The following SLC39A5 variants were observed in gnomAD, a reference collection of about 807,000 sequenced individuals.
SLC39A5 encodes the protein solute carrier family 39 member 5, also known as zinc transporter ZIP5.
SLC39A5 carries 42 observed loss-of-function variants against 46.9 expected under a neutral mutation model. That is an observed-to-expected ratio of 0.90 (90% CI 0.70 to 1.16). The LOEUF (loss-of-function observed/expected upper bound fraction) is 1.16. Among genes scored for constraint, SLC39A5 ranks in the 50% most tolerant of loss-of-function variants. The pLI is 0.00. For synonymous variants in SLC39A5, 311 were observed against 323.1 expected (o/e 0.96, Z 0.40); for missense variants, 677 against 686.8 (o/e 0.99, Z 0.16).
At position 56,235,170 on chromosome 12, in the gene SLC39A5, T is replaced by G. The variant is rs1379960055; in HGVS notation, c.648T>G (p.Ser216Arg). ...GATTCTCCCCAGCCCTGCTTCAGAG[T>G]GCCCTGGCAGTCCTGTTGCTCAGCC... The part of the protein sequence containing the change: ...PGDLLSALLQ[S>R]ALAVLLLSLP... Residue 216 changes from serine (S) to arginine (R), a missense_variant, in exon 7 of 13, where the codon AGT becomes AGG. Physicochemically the swap from Ser to Arg is moderately radical, Grantham distance 110. Transcript: ENST00000454355. 1 of 1,548,982 alleles carries G rather than the reference T, an allele frequency of 6.5e-7. No homozygotes were observed. The highest frequency in any genetic ancestry group is 2.3e-5 in the East Asian group (1 of 44,332).
intron 10 of SLC39A5, 78 bp from the exon 11 acceptor site, chr12:56,236,853 A>T (rs549403855): frequency 6.3e-7 from 1 of 1,595,788 alleles, no homozygotes; most frequent in Non-Finnish European, 8.5e-7. Context: ...AGAGGACGGG[A>T]GGACCACGGA....
intron 4 of SLC39A5, among the ~76,000 whole-genome samples, chr12:56,231,928 G>A (rs1043338667): frequency 1.3e-5 from 2 of 151,690 alleles, no homozygotes; most frequent in African/African-American, 4.8e-5. Flanking sequence ...GGGTTTCGCT[G>A]TGTTGCCCAG....
chr12:56,231,193 C>T lies in SLC39A5; in HGVS notation c.-71-11C>T. On this transcript the variant is annotated splice_polypyrimidine_tract_variant and intron_variant, in intron 3 of 12. Transcript: ENST00000454355. ...CAGAGCGCAGCTCCAGCCCATTCCTCATTCTTCCAGGGCACAGTCCTCAGG... is the reference window on the plus strand; with the variant it reads ...CAGAGCGCAGCTCCAGCCCATTCCTTATTCTTCCAGGGCACAGTCCTCAGG... 12 of 1,451,378 alleles carry T rather than the reference C, an allele frequency of 8.3e-6. No individual in the cohort carries two copies. The highest frequency in any genetic ancestry group is 6.5e-6 in the Non-Finnish European group (7 of 1,075,114). 89.9% of individuals were successfully genotyped at this position (1,451,378 alleles called of 1,614,324 possible).
At chr12:56,237,102 G>C (rs770088607) in intron 11 of SLC39A5, 48 bp from the exon 12 acceptor site, 31 of 1,612,320 alleles carry the variant, frequency 1.9e-5, no homozygotes, top group Non-Finnish European at 2.5e-5. Context: ...GCATGGATGA[G>C]GGGCACCCCA....
chr12:56,236,411 A>G lies in SLC39A5; in HGVS notation c.961A>G (p.Lys321Glu), dbSNP rs1870768991. ...RGLRPRCCRR[K>E]RRNLETRNLD... ...CCTATTTCAGAGATGCTGCAGGCGA[A>G]AACGAAGGAATCTCGAAACACGCAA... The change falls in exon 9 of 13, where the codon AAA becomes GAA. Residue 321 changes from lysine to glutamate, a missense_variant. Lys to Glu is a moderately conservative substitution (Grantham distance 56). Transcript: ENST00000454355. 1 of 1,614,250 alleles carries G rather than the reference A, an allele frequency of 6.2e-7. No individual in the cohort carries two copies.
At chr12:56,231,028 C>G in intron 3 of SLC39A5, 155 bp downstream of exon 3, 5 of 495,756 alleles carry the variant, frequency 1.0e-5, no homozygotes, top group Non-Finnish European at 1.8e-5. Context: ...GGGAGGTGCT[C>G]CAGGAACCAG....
At chr12:56,235,507 ATGT>A in intron 7 of SLC39A5, 50 bp from the exon 8 acceptor site, 1 of 1,580,202 alleles carries the variant, frequency 6.3e-7, no homozygotes, top group Non-Finnish European at 8.6e-7. Flanking sequence ...ATGCAAGGGG[ATGT>A]TGTTGGGTAT....
intron 7 of SLC39A5, 93 bp from the exon 8 acceptor site, chr12:56,235,467 G>C (rs921720554): frequency 2.6e-6 from 4 of 1,528,786 alleles, no homozygotes; most frequent in East Asian, 4.5e-5. Context: ...CCTTCTAGTA[G>C]AGCATATGAG....
At chr12:56,233,474 A>T (rs945401588) in intron 5 of SLC39A5, among the ~76,000 whole-genome samples, 7 of 151,936 alleles carry the variant, frequency 4.6e-5, no homozygotes, top group South Asian at 2.1e-4. Context: ...AAAAAATAAA[A>T]AAATAAAAAA....
intron 10 of SLC39A5, 47 bp from the exon 11 acceptor site, chr12:56,236,881 TGAG>T (rs755540438): frequency 4.3e-6 from 7 of 1,610,010 alleles, no homozygotes; most frequent in Non-Finnish European, 4.2e-6. Flanking sequence ...AACCTGCTTC[TGAG>T]GAGACTTTTC....
At position 56,235,304 on chromosome 12, in the gene SLC39A5, C is replaced by A. The variant is rs757234762; in HGVS notation, c.782C>A (p.Ala261Glu). ...ALAVGTLCGD[A>E]LLHLLPHAQE... ...GCGGTGGGCACTCTTTGTGGGGATG[C>A]ACTGCTACATCTGCTACCGCATGTA... is the stretch of plus-strand genomic sequence containing the variant. The change falls in exon 7 of 13, where the codon GCA (alanine) becomes GAA (glutamate). Residue 261 changes from alanine to glutamate, a missense_variant. Physicochemically the swap from Ala to Glu is moderately radical, Grantham distance 107. Coordinates refer to ENST00000454355, the MANE Select transcript of SLC39A5 (RefSeq NM_173596.3). The A allele has an allele frequency of 3.9e-6, 6 of 1,535,024 alleles. No individual in the cohort carries two copies. Among genetic ancestry groups the A allele is most frequent in the Non-Finnish European group, 5.2e-6 (6 of 1,148,332 alleles).
chr12:56,230,461 G>A (rs1490365027), intron 2 of SLC39A5, 166 bp downstream of exon 2: 1 of 152,244 alleles, frequency 6.6e-6, no homozygotes, highest in African/African-American at 2.4e-5. Context: ...CTGTAAGGTA[G>A]GTGGGGTGGA....
chr12:56,235,903 C>T (rs1399049221), intron 8 of SLC39A5: 12 of 586,278 alleles, frequency 2.0e-5, no homozygotes, highest in African/African-American at 5.7e-5. Context: ...ATTAGCTGGG[C>T]GTGGTGGTGC....
intron 12 of SLC39A5, 109 bp downstream of exon 12, chr12:56,237,449 G>C: frequency 6.5e-7 from 1 of 1,539,174 alleles, no homozygotes; most frequent in Non-Finnish European, 8.8e-7. Context: ...AAGGGCGTCA[G>C]ACCATAGGCC....
At position 56,231,252 on chromosome 12, in the gene SLC39A5, C is replaced by T; in HGVS notation, c.-23C>T. On this transcript the variant is annotated 5_prime_UTR_variant, in exon 4 of 13. Transcript: ENST00000454355. ...GGGAGAATAGGAGCCAGAACCTGAGCCCCTAAGCTATTCCCCTCACCAATG... is the reference window on the plus strand; with the variant it reads ...GGGAGAATAGGAGCCAGAACCTGAGTCCCTAAGCTATTCCCCTCACCAATG... 1 of 1,569,894 alleles carries T rather than the reference C, an allele frequency of 6.4e-7. No individual in the cohort carries two copies. The highest frequency in any genetic ancestry group is 8.6e-7 in the Non-Finnish European group (1 of 1,158,192).
Position 56,232,798 on chromosome 12 carries a change from G to GA in SLC39A5, c.397_398insA (p.Ala133AspfsTer20), listed in dbSNP as rs1870354963. On this transcript the variant is annotated frameshift_variant, in exon 5 of 13. Transcript: ENST00000454355. LOFTEE classifies it high-confidence loss of function. ...GGCCCCTCACCTACCCCGTGGGCCA[G>GA]CCCCCTCGGGCCTGGACCTCCTTCA... 7 of 1,612,114 alleles carry GA rather than the reference G, an allele frequency of 4.3e-6. No homozygotes were observed. The highest frequency in any genetic ancestry group is 5.9e-6 in the Non-Finnish European group (7 of 1,179,396).
In SLC39A5 at chr12:56,235,390, A is replaced by C; in HGVS notation, c.804+64A>C. The C allele has an allele frequency of 1.3e-6, 2 of 1,505,326 alleles. 1 individual carries two copies. The highest frequency in any genetic ancestry group is 2.7e-5 in the South Asian group (2 of 75,228). 93.2% of individuals were successfully genotyped at this position (1,505,326 alleles called of 1,614,324 possible). ...GATCTAAGGTGTCCCCAGCCATAGG[A>C]CATCCCCTCCGCCTTTCCATCAGCT... is the stretch of plus-strand genomic sequence containing the variant. On this transcript the variant is annotated intron_variant, in intron 7 of 12. Transcript: ENST00000454355.
rs751010153 is a variant in SLC39A5, at chr12:56,235,625, A to G, written c.870A>G (p.Ser290=). The change falls in exon 8 of 13, where the codon TCA becomes TCG. Residue 290 remains serine, a synonymous_variant. Coordinates refer to ENST00000454355, the MANE Select transcript of SLC39A5 (RefSeq NM_173596.3). The part of the protein sequence containing the change: ...LPEKDLGPGL[S]VLGGLFLLFV... ...AGAAGGACCTGGGCCCGGGGCTGTC[A>G]GTGCTCGGAGGCCTCTTCCTGCTCT... is the stretch of plus-strand genomic sequence containing the variant. 7 of 1,614,010 alleles carry G rather than the reference A, an allele frequency of 4.3e-6. No individual in the cohort carries two copies. The highest frequency in any genetic ancestry group is 5.9e-6 in the Non-Finnish European group (7 of 1,180,026).
At chr12:56,235,472 T>G in intron 7 of SLC39A5, 88 bp from the exon 8 acceptor site, 1 of 1,539,198 alleles carries the variant, frequency 6.5e-7, no homozygotes, top group African/African-American at 1.4e-5. Context: ...TAGTAGAGCA[T>G]ATGAGCGAAG....
Sources: gnomAD v4.1 joint callset for allele counts (sites outside exome capture counted in the v4.1 genomes callset) on GRCh38, gnomAD v4.1.1 for gene constraint, MANE v1.5 for transcripts, NCBI Gene and HGNC (gene_info 2026-07-23, HGNC 2026-07-21) for gene names.